The following PEX5L variants were observed in gnomAD, a reference collection of about 807,000 sequenced individuals.
PEX5L encodes peroxisomal biogenesis factor 5 like.
PEX5L carries 30 observed loss-of-function variants against 84.0 expected under a neutral mutation model. That is an observed-to-expected ratio of 0.36 (90% CI 0.27 to 0.48). The LOEUF is 0.48. PEX5L is among the 20% of genes least tolerant of loss of function. The pLI is 0.99. For synonymous variants in PEX5L, 270 were observed against 283.1 expected (o/e 0.95, Z 0.46); for missense variants, 533 against 754.6 (o/e 0.71, Z 3.44).
chr3:179,961,508 G>C lies in PEX5L; in HGVS notation c.93+10086C>G, dbSNP rs535116434. On this transcript the variant is annotated intron_variant, in intron 2 of 14. Coordinates refer to ENST00000467460, the MANE Select transcript of PEX5L (RefSeq NM_016559.3). ...AGACATGCACTGTAAAGTCTGGATG[G>C]AGAGAAGTAAAAGCGCAACCACAGA... Among the ~76,000 whole-genome samples, 3 of 152,246 alleles carry C rather than the reference G, an allele frequency of 2.0e-5. No individual in the cohort carries two copies. The South Asian group carries it at 6.2e-4, about 32-fold the overall frequency.
chr3:179,972,637 T>C (rs1266097142), intron 1 of PEX5L, among the ~76,000 whole-genome samples: 2 of 152,208 alleles, frequency 1.3e-5, no homozygotes, highest in African/African-American at 4.8e-5. Context: ...AAAATACTTA[T>C]GTTTGCATCT....
At chr3:179,994,335 CT>C (rs1282723602) in intron 1 of PEX5L, among the ~76,000 whole-genome samples, 1 of 152,210 alleles carries the variant, frequency 6.6e-6, no homozygotes. Flanking sequence ...TCAGATTAAC[CT>C]TTGCCAGCTT....
At chr3:179,939,545 A>T (rs1035414324) in intron 2 of PEX5L, among the ~76,000 whole-genome samples, 1 of 152,342 alleles carries the variant, frequency 6.6e-6, no homozygotes. Flanking sequence ...ACTGGGCTTT[A>T]GGGGTAATGT....
At chr3:179,967,822 T>C (rs1783736307) in intron 2 of PEX5L, among the ~76,000 whole-genome samples, 2 of 152,206 alleles carry the variant, frequency 1.3e-5, no homozygotes, top group South Asian at 4.1e-4. Flanking sequence ...AGTAGCTGAA[T>C]ACTTAGAAAT....
intron 2 of PEX5L, among the ~76,000 whole-genome samples, chr3:179,938,097 A>G (rs1033999845): frequency 9.2e-5 from 14 of 152,166 alleles, no homozygotes; most frequent in Non-Finnish European, 1.8e-4. Flanking sequence ...CATACTAAAT[A>G]TTATAAAAAT....
chr3:179,938,771 G>A (rs1775291061), intron 2 of PEX5L, among the ~76,000 whole-genome samples: 1 of 152,144 alleles, frequency 6.6e-6, no homozygotes, highest in South Asian at 2.1e-4. Context: ...CTTCATTTTG[G>A]AAACTGACTT....
chr3:179,998,153 G>A (rs1422826948), intron 1 of PEX5L, among the ~76,000 whole-genome samples: 4 of 152,172 alleles, frequency 2.6e-5, no homozygotes, highest in Non-Finnish European at 5.9e-5. Context: ...CAGTGGTGTG[G>A]GGCCTGTCGA....
intron 12 of PEX5L, among the ~76,000 whole-genome samples, chr3:179,809,047 C>T (rs576893761): frequency 2.2e-4 from 25 of 114,348 alleles, no homozygotes; most frequent in African/African-American, 7.9e-4. Flanking sequence ...GCACTCCAGC[C>T]TGGGCGACAG....
intron 2 of PEX5L, among the ~76,000 whole-genome samples, chr3:179,935,917 T>C (rs1275668987): frequency 6.6e-6 from 1 of 152,206 alleles, no homozygotes; most frequent in Non-Finnish European, 1.5e-5. Flanking sequence ...TTTTTTGGCA[T>C]ACCCACTTTC....
In PEX5L at chr3:180,032,974, C is replaced by G. The variant is rs550518404; in HGVS notation, c.21+3605G>C. Among the ~76,000 whole-genome samples, 8 of 152,314 alleles carry G rather than the reference C, an allele frequency of 5.3e-5. No homozygotes were observed. In the South Asian group the frequency reaches 1.4e-3, roughly 28 times the overall value. On this transcript the variant is annotated intron_variant, in intron 1 of 14. Transcript: ENST00000467460. ...TGAGGGCCTCAATTATGATAACCTA[C>G]TGTTTAGGGTATTGAAAACAACGTT...
intron 2 of PEX5L, among the ~76,000 whole-genome samples, chr3:179,964,467 G>C (rs1263129382): frequency 6.6e-6 from 1 of 152,122 alleles, no homozygotes; most frequent in African/African-American, 2.4e-5. Context: ...TTAAACTAAA[G>C]AGCTTCTGCA....
chr3:179,938,298 G>C (rs1775151245), intron 2 of PEX5L, among the ~76,000 whole-genome samples: 1 of 152,192 alleles, frequency 6.6e-6, no homozygotes, highest in Non-Finnish European at 1.5e-5. Context: ...CAATGGAGTT[G>C]AGATGCTAAT....
intron 1 of PEX5L, among the ~76,000 whole-genome samples, chr3:180,023,144 A>G (rs1790568353): frequency 6.6e-6 from 1 of 152,212 alleles, no homozygotes; most frequent in Non-Finnish European, 1.5e-5. Context: ...TCTACTCCTC[A>G]GTCCCCAATT....
intron 12 of PEX5L, 60 bp downstream of exon 12, chr3:179,809,411 T>A: frequency 7.7e-7 from 1 of 1,290,692 alleles, no homozygotes; most frequent in Non-Finnish European, 1.1e-6. Context: ...AGTTGCCCTT[T>A]AGGTGATTCA....
chr3:179,886,045 C>T (rs1441765771), intron 4 of PEX5L, among the ~76,000 whole-genome samples: 2 of 152,160 alleles, frequency 1.3e-5, no homozygotes, highest in Non-Finnish European at 2.9e-5. Context: ...TATGTTAGAA[C>T]AATCAAGCTG....
intron 3 of PEX5L, among the ~76,000 whole-genome samples, chr3:179,894,113 A>G (rs1758449568): frequency 6.6e-6 from 1 of 152,060 alleles, no homozygotes; most frequent in Admixed American, 6.6e-5. Context: ...CTTTAGTCAT[A>G]ATCTTATAAT....
At chr3:179,967,885 G>A (rs1255281151) in intron 2 of PEX5L, among the ~76,000 whole-genome samples, 1 of 152,112 alleles carries the variant, frequency 6.6e-6, no homozygotes, top group Non-Finnish European at 1.5e-5. Context: ...AAACCCCGGG[G>A]GTGGGATCCA....
At position 179,887,757 on chromosome 3, in the gene PEX5L, G is replaced by A; in HGVS notation, c.226C>T (p.Pro76Ser). Residue 76 changes from proline (P) to serine (S), a missense_variant, in exon 4 of 15, where the codon CCC (proline) becomes TCC (serine). Physicochemically the swap from Pro to Ser is moderately conservative, Grantham distance 74 (BLOSUM62 -1). This residue lies in a region of PEX5L where 259 missense variants were observed against 301.7 expected (regional missense o/e 0.86). Transcript: ENST00000467460. ...QLVNEQQESRPLLSPSIDDFL... is the reference protein window; with the variant it reads ...QLVNEQQESRSLLSPSIDDFL... ...TCATCGATGGAGGGACTCAGGAGGG[G>A]TCTGCTTTCTTGTTGCTCATTCACC... 1 of 1,613,892 alleles carries A rather than the reference G, an allele frequency of 6.2e-7. No homozygotes were observed. The highest frequency in any genetic ancestry group is 8.5e-7 in the Non-Finnish European group (1 of 1,179,784).
chr3:179,910,499 T>C (rs1360821096), intron 2 of PEX5L, among the ~76,000 whole-genome samples: 1 of 152,222 alleles, frequency 6.6e-6, no homozygotes, highest in African/African-American at 2.4e-5. Flanking sequence ...AGATATATAG[T>C]TGATATGTAT....
Sources: gnomAD v4.1 joint callset for allele counts (sites outside exome capture counted in the v4.1 genomes callset) on GRCh38, gnomAD v4.1.1 for gene constraint, gnomAD v4.1.1 regional missense constraint, MANE v1.5 for transcripts, NCBI Gene and HGNC (gene_info 2026-07-23, HGNC 2026-07-21) for gene names.